The following ZNF423 variants were observed in gnomAD, a reference collection of about 807,000 sequenced individuals.
The protein encoded by ZNF423 is Ebf-associated zinc finger protein.
ZNF423 carries 12 observed loss-of-function variants against 95.8 expected under a neutral mutation model. The observed-to-expected ratio is 0.13, with a 90% CI of 0.08 to 0.20. The LOEUF is 0.20. Among genes scored for constraint, ZNF423 ranks in the 10% least tolerant of loss-of-function variants. The pLI, the probability that ZNF423 is intolerant of heterozygous loss-of-function variation, is 1.00. For missense variants in ZNF423, 1,316 were observed against 1,737.1 expected (o/e 0.76, Z 4.31); for synonymous variants, 749 against 711.9 (o/e 1.05, Z -0.83).
chr16:49,847,488 C>T (rs1721231388), intron 1 of ZNF423: 1 of 152,302 alleles, frequency 6.6e-6, no homozygotes, highest in South Asian at 2.1e-4. Flanking sequence ...CATCAGATCA[C>T]TCAGCAAGTC....
At chr16:49,836,698 G>T (rs1325835169) in intron 1 of ZNF423, among the ~76,000 whole-genome samples, 1 of 152,100 alleles carries the variant, frequency 6.6e-6, no homozygotes, top group Non-Finnish European at 1.5e-5. Context: ...GAGAGCCCTG[G>T]ACGCACAATA....
At chr16:49,629,908 A>G (rs1196474943) in intron 4 of ZNF423, among the ~76,000 whole-genome samples, 1 of 152,220 alleles carries the variant, frequency 6.6e-6, no homozygotes, top group Non-Finnish European at 1.5e-5. Context: ...TACGATTATT[A>G]TTGGCGCTAA....
chr16:49,611,860 A>G (rs753682209), intron 5 of ZNF423, among the ~76,000 whole-genome samples: 1 of 151,978 alleles, frequency 6.6e-6, no homozygotes, highest in Non-Finnish European at 1.5e-5. Flanking sequence ...ACTATGAAAA[A>G]CTCTACATAC....
At chr16:49,645,412 T>C (rs1222857347) in intron 3 of ZNF423, among the ~76,000 whole-genome samples, 1 of 152,202 alleles carries the variant, frequency 6.6e-6, no homozygotes, top group Non-Finnish European at 1.5e-5. Context: ...TCCAAGGCCT[T>C]ATCTCAGGTC....
chr16:49,723,146 G>A (rs1038230726), intron 3 of ZNF423, among the ~76,000 whole-genome samples: 4 of 151,960 alleles, frequency 2.6e-5, no homozygotes, highest in African/African-American at 7.2e-5. Flanking sequence ...CAGTAGAGAC[G>A]GGGTTTCACT....
intron 5 of ZNF423, among the ~76,000 whole-genome samples, chr16:49,593,454 T>G (rs1971081549): frequency 6.6e-6 from 1 of 151,884 alleles, no homozygotes; most frequent in Non-Finnish European, 1.5e-5. Context: ...AAAATTTCTC[T>G]GCCATTCACA....
intron 1 of ZNF423, among the ~76,000 whole-genome samples, chr16:49,845,013 C>T (rs2035228030): frequency 9.5e-6 from 1 of 105,386 alleles, no homozygotes; most frequent in Non-Finnish European, 1.7e-5. Flanking sequence ...CAAGCCTGGG[C>T]ATCAAGAGCG....
intron 5 of ZNF423, among the ~76,000 whole-genome samples, chr16:49,605,264 C>T (rs1971502229): frequency 6.6e-6 from 1 of 152,148 alleles, no homozygotes; most frequent in African/African-American, 2.4e-5. Context: ...TTCCAGGCCT[C>T]CTCACACCCA....
intron 3 of ZNF423, among the ~76,000 whole-genome samples, chr16:49,692,331 T>G (rs2031816174): frequency 6.6e-6 from 1 of 152,000 alleles, no homozygotes; most frequent in Non-Finnish European, 1.5e-5. Flanking sequence ...ACGATGAGGC[T>G]TTCTCCTTCC....
chr16:49,729,605 C>G (rs1435066045), intron 3 of ZNF423, among the ~76,000 whole-genome samples: 2 of 151,116 alleles, frequency 1.3e-5, no homozygotes, highest in Non-Finnish European at 2.9e-5. Context: ...TACTGGGCCC[C>G]AAAATGTCCA....
intron 3 of ZNF423, among the ~76,000 whole-genome samples, chr16:49,653,352 G>A (rs1300947954): frequency 2.8e-5 from 4 of 144,866 alleles, no homozygotes; most frequent in African/African-American, 5.1e-5. Context: ...CTGATTAAAC[G>A]CAAACCACAC....
intron 5 of ZNF423, among the ~76,000 whole-genome samples, chr16:49,582,324 C>T (rs1335429778): frequency 6.6e-6 from 1 of 152,220 alleles, no homozygotes; most frequent in Non-Finnish European, 1.5e-5. Context: ...CTCTTCAAAA[C>T]CTGTTATAAA....
chr16:49,639,099 T>C (rs1972879375), intron 3 of ZNF423, among the ~76,000 whole-genome samples: 1 of 152,170 alleles, frequency 6.6e-6, no homozygotes, highest in Non-Finnish European at 1.5e-5. Context: ...GGAGCGCCTT[T>C]TCCCTTCACA....
At chr16:49,677,908 C>A (rs1389913245) in intron 3 of ZNF423, among the ~76,000 whole-genome samples, 1 of 152,006 alleles carries the variant, frequency 6.6e-6, no homozygotes. Flanking sequence ...TTTGGCCAGG[C>A]GCAGTGGCTC....
chr16:49,744,418 C>T (rs1481311882), intron 2 of ZNF423, among the ~76,000 whole-genome samples: 2 of 150,882 alleles, frequency 1.3e-5, no homozygotes, highest in South Asian at 2.1e-4. Context: ...TGAGCACACA[C>T]GTGGCCAGGT....
chr16:49,500,479 C>T (rs1053935140), intron 7 of ZNF423, among the ~76,000 whole-genome samples: 1 of 152,186 alleles, frequency 6.6e-6, no homozygotes, highest in African/African-American at 2.4e-5. Context: ...AATTAGTGCA[C>T]AGTCCCCTGC....
At chr16:49,803,769 G>C (rs557728425) in intron 1 of ZNF423, among the ~76,000 whole-genome samples, 1 of 151,904 alleles carries the variant, frequency 6.6e-6, no homozygotes, top group Non-Finnish European at 1.5e-5. Context: ...CCCAAACTCA[G>C]AACAAGACAA....
Position 49,806,116 on chromosome 16 carries a change from G to A in ZNF423, c.41-16570C>T, listed in dbSNP as rs141788795. On this transcript the variant is annotated intron_variant, in intron 1 of 7. Transcript: ENST00000563137. ...CCAGAAACGTGCAGCATATAAACGT[G>A]GATTTACAATGGGGTCTGGCTCCTG... 3.5e-3 allele frequency among the ~76,000 whole-genome samples: 535 copies of A among 152,354 alleles called. 2 individuals carry two copies. Among genetic ancestry groups the A allele is most frequent in the Non-Finnish European group, 6.1e-3 (412 of 68,032 alleles).
chr16:49,492,443 G>T lies in ZNF423; in HGVS notation c.3850-1139C>A, dbSNP rs1199673366. ...TCGGGTCCGCGGCGAGGGCGACCAG[G>T]TGATGCCAGTAGCCTCGCCCGGAGG... On this transcript the variant is annotated intron_variant, in intron 7 of 7. Transcript: ENST00000563137. The surrounding 1 kb of genome is among the most constrained non-coding windows in gnomAD (Gnocchi z 4.2). Among the ~76,000 whole-genome samples the T allele has an allele frequency of 6.6e-6, 1 of 152,182 alleles. No homozygotes were observed. The highest frequency in any genetic ancestry group is 1.5e-5 in the Non-Finnish European group (1 of 68,004).
Sources: allele counts gnomAD v4.1 joint callset (sites outside exome capture counted in the v4.1 genomes callset), GRCh38; gene constraint gnomAD v4.1.1; non-coding constraint Gnocchi (gnomAD v3.1); transcripts MANE v1.5; gene names NCBI Gene and HGNC (gene_info 2026-07-23, HGNC 2026-07-21).